The following RASA1 variants were observed in gnomAD, a reference collection of about 807,000 sequenced individuals.
The protein encoded by RASA1 is ras GTPase-activating protein 1.
In RASA1, 25 loss-of-function variants were observed where a neutral mutation model predicts 132.2. That is an observed-to-expected ratio of 0.19 (90% CI 0.14 to 0.26). The LOEUF (loss-of-function observed/expected upper bound fraction) is 0.26. Among genes scored for constraint, RASA1 ranks in the 10% least tolerant of loss-of-function variants. The pLI is 1.00. For synonymous variants in RASA1, 477 were observed against 449.9 expected (o/e 1.06, Z -0.76); for missense variants, 964 against 1,299.2 (o/e 0.74, Z 3.97).
intron 6 of RASA1, among the ~76,000 whole-genome samples, chr5:87,344,282 A>G (rs972112826): frequency 6.6e-6 from 1 of 152,168 alleles, no homozygotes; most frequent in Non-Finnish European, 1.5e-5. Context: ...TGCTTGTATC[A>G]AAACATCACT....
At position 87,268,629 on chromosome 5, in the gene RASA1, A is replaced by C; in HGVS notation, c.178A>C (p.Thr60Pro). The change falls in exon 1 of 25, where the codon ACT becomes CCT. Residue 60 changes from threonine (T) to proline (P), a missense_variant. Physicochemically the swap from Thr to Pro is conservative, Grantham distance 38. Around this residue, in one of 6 missense-constraint regions of RASA1, gnomAD observed 326 missense variants for 275.8 expected, o/e 1.18. Coordinates refer to ENST00000274376, the MANE Select transcript of RASA1 (RefSeq NM_002890.3). ...PGLVETGVAGTLGGGAALGSE... is the reference protein window; with the variant it reads ...PGLVETGVAGPLGGGAALGSE... Reference sequence around the variant, plus strand: ...GCTGGTGGAGACCGGAGTGGCTGGAACTCTGGGTGGCGGAGCCGCTTTGGG... The same window carrying C: ...GCTGGTGGAGACCGGAGTGGCTGGACCTCTGGGTGGCGGAGCCGCTTTGGG... The C allele has an allele frequency of 6.2e-7, 1 of 1,610,822 alleles. No individual in the cohort carries two copies. Among genetic ancestry groups the C allele is most frequent in the Non-Finnish European group, 8.5e-7 (1 of 1,179,190 alleles).
chr5:87,366,684 T>A (rs922130630), intron 11 of RASA1, among the ~76,000 whole-genome samples: 4 of 152,236 alleles, frequency 2.6e-5, no homozygotes, highest in Admixed American at 2.6e-4. Context: ...AAACCTAGTA[T>A]GAAAAAGTTA....
At chr5:87,389,257 G>A (rs1169970514) in intron 23 of RASA1, 136 bp from the exon 24 acceptor site, 14 of 1,089,982 alleles carry the variant, frequency 1.3e-5, no homozygotes, top group Non-Finnish European at 1.7e-5. Context: ...CTTGAACCCG[G>A]GAGGCGGAGG....
chr5:87,388,109 GTA>G (rs1762190532), intron 23 of RASA1, among the ~76,000 whole-genome samples: 1 of 152,110 alleles, frequency 6.6e-6, no homozygotes, highest in Non-Finnish European at 1.5e-5. Flanking sequence ...CATCCCCTGT[GTA>G]TCTGTGATAT....
At chr5:87,344,925 T>G (rs1411276446) in intron 6 of RASA1, among the ~76,000 whole-genome samples, 1 of 152,104 alleles carries the variant, frequency 6.6e-6, no homozygotes, top group African/African-American at 2.4e-5. Context: ...TATTTTCCTC[T>G]CTACACACTC....
At chr5:87,302,343 C>T (rs754141140) in intron 1 of RASA1, among the ~76,000 whole-genome samples, 12 of 151,802 alleles carry the variant, frequency 7.9e-5, no homozygotes, top group Non-Finnish European at 1.6e-4. Context: ...ATTTCTATAA[C>T]CTCTTTCATG....
chr5:87,357,808 T>G (rs1260952002), intron 9 of RASA1, among the ~76,000 whole-genome samples: 4 of 152,224 alleles, frequency 2.6e-5, no homozygotes, highest in Non-Finnish European at 5.9e-5. Flanking sequence ...GCCTTGCTCT[T>G]GTGTTAGTTT....
chr5:87,285,105 G>C (rs775969887), intron 1 of RASA1, among the ~76,000 whole-genome samples: 1 of 150,406 alleles, frequency 6.6e-6, no homozygotes, highest in Non-Finnish European at 1.5e-5. Context: ...GTCTTGTTCT[G>C]TCGCCAGGCT....
intron 3 of RASA1, among the ~76,000 whole-genome samples, chr5:87,333,041 G>A (rs547013182): frequency 2.4e-4 from 37 of 152,026 alleles, no homozygotes; most frequent in African/African-American, 6.5e-4. Context: ...TTCATATTAC[G>A]TTATAAAAGC....
At chr5:87,355,914 C>T (rs990125156) in intron 9 of RASA1, among the ~76,000 whole-genome samples, 1 of 152,116 alleles carries the variant, frequency 6.6e-6, no homozygotes, top group Non-Finnish European at 1.5e-5. Context: ...GTACAAGTAG[C>T]AGGAGAACTA....
intron 1 of RASA1, among the ~76,000 whole-genome samples, chr5:87,326,404 T>C (rs1037487570): frequency 6.6e-5 from 10 of 152,174 alleles, no homozygotes; most frequent in African/African-American, 2.4e-4. Context: ...GTAAATTGAT[T>C]TGTATTTCTA....
intron 6 of RASA1, 44 bp from the exon 7 acceptor site, chr5:87,346,628 C>A: frequency 1.5e-6 from 2 of 1,299,512 alleles, no homozygotes; most frequent in Non-Finnish European, 2.2e-6. Flanking sequence ...ATGATAACAG[C>A]AAAAAGGACT....
chr5:87,387,610 AG>A (rs1450585109), intron 23 of RASA1, among the ~76,000 whole-genome samples: 1 of 152,108 alleles, frequency 6.6e-6, no homozygotes, highest in Non-Finnish European at 1.5e-5. Context: ...GCATGGCATT[AG>A]GGAGTGCTAG....
intron 8 of RASA1, among the ~76,000 whole-genome samples, chr5:87,352,366 G>A (rs1165494070): frequency 1.3e-5 from 2 of 151,372 alleles, no homozygotes; most frequent in Non-Finnish European, 3.0e-5. Context: ...AAATCTGTCT[G>A]GAGAAGTGTT....
At chr5:87,278,348 C>T (rs1186535793) in intron 1 of RASA1, among the ~76,000 whole-genome samples, 1 of 150,740 alleles carries the variant, frequency 6.6e-6, no homozygotes, top group Non-Finnish European at 1.5e-5. Flanking sequence ...AGATCGAGAC[C>T]ATCCTGGCTA....
intron 1 of RASA1, among the ~76,000 whole-genome samples, chr5:87,313,288 T>C (rs544142381): frequency 6.6e-6 from 1 of 152,304 alleles, no homozygotes; most frequent in African/African-American, 2.4e-5. Context: ...ATTTTGGCTC[T>C]CCCTGGAGGT....
At chr5:87,286,869 C>A (rs1357776787) in intron 1 of RASA1, among the ~76,000 whole-genome samples, 1 of 149,870 alleles carries the variant, frequency 6.7e-6, no homozygotes, top group Non-Finnish European at 1.5e-5. Flanking sequence ...TACATATACA[C>A]CATATATATA....
chr5:87,322,815 A>G (rs1271833872), intron 1 of RASA1, among the ~76,000 whole-genome samples: 1 of 152,260 alleles, frequency 6.6e-6, no homozygotes, highest in Non-Finnish European at 1.5e-5. Context: ...AACCACATAC[A>G]TAAATAAAAT....
intron 9 of RASA1, among the ~76,000 whole-genome samples, chr5:87,353,547 A>G (rs548140692): frequency 1.3e-5 from 2 of 152,214 alleles, no homozygotes; most frequent in South Asian, 4.1e-4. Context: ...AGCCAGGATT[A>G]TTAAAGCCTG....
Sources: gnomAD v4.1 joint callset for allele counts (sites outside exome capture counted in the v4.1 genomes callset) on GRCh38, gnomAD v4.1.1 for gene constraint, gnomAD v4.1.1 regional missense constraint, MANE v1.5 for transcripts, NCBI Gene and HGNC (gene_info 2026-07-23, HGNC 2026-07-21) for gene names.